The following ZFHX3 variants were observed in gnomAD, a reference collection of about 807,000 sequenced individuals.
ZFHX3 encodes zinc finger homeobox 3.
ZFHX3 carries 42 observed loss-of-function variants against 279.1 expected under a neutral mutation model. The observed-to-expected ratio is 0.15, with a 90% confidence interval of 0.12 to 0.19. The LOEUF (loss-of-function observed/expected upper bound fraction) is 0.19, where lower values mean the gene tolerates loss of function less well. ZFHX3 is among the 10% of genes least tolerant of loss of function. ZFHX3 has a pLI of 1.00. For missense variants in ZFHX3, 4,981 were observed against 4,754.0 expected (o/e 1.05, Z -1.40); for synonymous variants, 2,293 against 1,957.8 (o/e 1.17, Z -4.52).
In ZFHX3 at chr16:73,058,262, G is replaced by T. The variant is rs1456356697; in HGVS notation, c.-24+268C>A. 4.9e-5 allele frequency among the ~76,000 whole-genome samples: 7 copies of T among 142,532 alleles called. No homozygotes were observed. In the East Asian group the frequency reaches 1.5e-3, roughly 30 times the overall value. 93.5% of individuals were successfully genotyped at this position (142,532 alleles called of 152,430 possible). A position where few individuals can be genotyped will look rare whatever the true frequency, so the allele number is the denominator to read the frequency against. ...GCTCGGCGGCGGCGGCGGCGGCAGC[G>T]GCGGGAGGAGGAGGAAGAAGAAGAG... On this transcript the variant is annotated intron_variant, in intron 1 of 8. Coordinates refer to the ZFHX3 transcript ENST00000397992.
At chr16:73,682,690 G>A (rs527389852) in intron 1 of ZFHX3, among the ~76,000 whole-genome samples, 36 of 151,828 alleles carry the variant, frequency 2.4e-4, no homozygotes, top group African/African-American at 8.2e-4. Flanking sequence ...GGGAGGCTGA[G>A]GCAGGAGAAT....
intron 3 of ZFHX3, among the ~76,000 whole-genome samples, chr16:73,341,634 C>G (rs917548019): frequency 9.2e-5 from 14 of 152,070 alleles, no homozygotes; most frequent in Admixed American, 4.6e-4. Flanking sequence ...CTTGGAATTG[C>G]ATTATTCGTA....
intron 1 of ZFHX3, among the ~76,000 whole-genome samples, chr16:72,970,946 A>C (rs1962079230): frequency 6.6e-6 from 1 of 152,218 alleles, no homozygotes; most frequent in South Asian, 2.1e-4. Flanking sequence ...TATTTTAAAA[A>C]TTTGGATATG....
chr16:73,739,424 T>C (rs1427677900), intron 1 of ZFHX3, among the ~76,000 whole-genome samples: 1 of 152,144 alleles, frequency 6.6e-6, no homozygotes, highest in Non-Finnish European at 1.5e-5. Context: ...TCTCAGTAGA[T>C]GCCAACAGCA....
intron 1 of ZFHX3, among the ~76,000 whole-genome samples, chr16:73,799,706 G>T (rs1345161120): frequency 1.3e-5 from 2 of 152,138 alleles, no homozygotes; most frequent in African/African-American, 4.8e-5. Context: ...TGAGCAGAAG[G>T]GGAAATCAGA....
At chr16:72,809,232 A>C (rs926995311) in intron 7 of ZFHX3, 1 of 152,282 alleles carries the variant, frequency 6.6e-6, no homozygotes, top group Non-Finnish European at 1.5e-5. Flanking sequence ...CTATAGGCCC[A>C]CAGTCCCTAG....
At chr16:73,310,251 AGGT>A (rs1370563486) in intron 4 of ZFHX3, among the ~76,000 whole-genome samples, 3 of 151,838 alleles carry the variant, frequency 2.0e-5, no homozygotes, top group Non-Finnish European at 4.4e-5. Flanking sequence ...AAACCATCTG[AGGT>A]GGTGGTGGTG....
At chr16:73,835,972 C>G (rs1359069676) in intron 1 of ZFHX3, among the ~76,000 whole-genome samples, 1 of 151,970 alleles carries the variant, frequency 6.6e-6, no homozygotes, top group Non-Finnish European at 1.5e-5. Context: ...AGAAAATGGG[C>G]TCATGGAAAT....
chr16:73,493,663 A>C (rs1002961747), intron 2 of ZFHX3, among the ~76,000 whole-genome samples: 2 of 152,126 alleles, frequency 1.3e-5, no homozygotes, highest in African/African-American at 2.4e-5. Flanking sequence ...CCTAGGGTCA[A>C]CCTGTTCCTT....
In ZFHX3 at chr16:73,291,191, C is replaced by T. The variant is rs74030037; in HGVS notation, c.-1194+27049G>A. Among the ~76,000 whole-genome samples, 601 of 152,264 alleles carry T rather than the reference C, an allele frequency of 3.9e-3. 3 individuals are homozygous for T. Among genetic ancestry groups the T allele is most frequent in the Middle Eastern group, 0.024 (7 of 294 alleles). Reference sequence around the variant, plus strand: ...CTTCCAACGGTACCCATGGTTTAGGCTTCCTGACAATCAAACCCCACACCA... The same window carrying T: ...CTTCCAACGGTACCCATGGTTTAGGTTTCCTGACAATCAAACCCCACACCA... On this transcript the variant is annotated intron_variant, in intron 4 of 17. Transcript: ENST00000641206.
intron 1 of ZFHX3, among the ~76,000 whole-genome samples, chr16:73,020,233 T>C (rs1964253052): frequency 6.6e-6 from 1 of 152,210 alleles, no homozygotes; most frequent in African/African-American, 2.4e-5. Flanking sequence ...ATACATTTAA[T>C]GAATCACATA....
chr16:72,795,371 A>G lies in ZFHX3; in HGVS notation c.7311T>C (p.Ser2437=), dbSNP rs1344275507. The change falls in exon 9 of 10, where the codon AGT becomes AGC. Residue 2437 remains serine (S), a synonymous_variant. Transcript: ENST00000268489. ...DEKPKLAEAP[S]AQPNQTQEKQ... ...TTTCTTGGGTTTGGTTTGGCTGTGC[A>G]CTGGGAGCTTCCGCCAGCTTTGGTT... The G allele has an allele frequency of 1.2e-6, 2 of 1,614,068 alleles. No individual in the cohort carries two copies. Among genetic ancestry groups the G allele is most frequent in the Admixed American group, 1.7e-5 (1 of 60,016 alleles).
intron 1 of ZFHX3, among the ~76,000 whole-genome samples, chr16:73,800,427 G>C (rs1194237119): frequency 1.3e-5 from 2 of 152,012 alleles, no homozygotes; most frequent in Non-Finnish European, 2.9e-5. Flanking sequence ...ATATTGGTCA[G>C]GCTGGTCTCG....
rs191752147 is a variant in ZFHX3 at position 73,496,517 on chromosome 16, C to G, written c.-1546-40259G>C. On this transcript the variant is annotated intron_variant, in intron 2 of 17. Transcript: ENST00000641206. ...CTGCACTCCAGCCTGGGAGACACAGCGAGACTCCATCTTAAACAAACAAAC... is the reference window on the plus strand; with the variant it reads ...CTGCACTCCAGCCTGGGAGACACAGGGAGACTCCATCTTAAACAAACAAAC... Among the ~76,000 whole-genome samples the G allele has an allele frequency of 1.1e-4, 16 of 152,240 alleles. No homozygotes were observed. In the East Asian group the frequency reaches 1.2e-3, roughly 11 times the overall value.
At chr16:72,981,330 C>A (rs1206317721) in intron 1 of ZFHX3, among the ~76,000 whole-genome samples, 1 of 152,162 alleles carries the variant, frequency 6.6e-6, no homozygotes, top group African/African-American at 2.4e-5. Context: ...CAAAAATGCG[C>A]CTGTTTACAA....
At chr16:73,645,140 A>G (rs1375946708) in intron 2 of ZFHX3, among the ~76,000 whole-genome samples, 8 of 152,284 alleles carry the variant, frequency 5.3e-5, no homozygotes, top group Admixed American at 5.2e-4. Flanking sequence ...AAAGCTGGTG[A>G]ACAGAAAGGC....
chr16:73,793,219 A>G (rs1448736216), intron 1 of ZFHX3, among the ~76,000 whole-genome samples: 1 of 152,252 alleles, frequency 6.6e-6, no homozygotes, highest in Non-Finnish European at 1.5e-5. Context: ...AGGGGGAATA[A>G]GATGTGGCTT....
chr16:73,651,575 C>T (rs928459571), intron 2 of ZFHX3, among the ~76,000 whole-genome samples: 4 of 150,750 alleles, frequency 2.7e-5, no homozygotes, highest in African/African-American at 7.3e-5. Context: ...CGGTGGCTCA[C>T]GCCTGTAATC....
At chr16:72,922,472 G>A (rs1380503078) in intron 3 of ZFHX3, among the ~76,000 whole-genome samples, 1 of 152,162 alleles carries the variant, frequency 6.6e-6, no homozygotes, top group Admixed American at 6.5e-5. Context: ...TGGCAATGAA[G>A]AGGACAAATC....
Sources: allele counts gnomAD v4.1 joint callset (sites outside exome capture counted in the v4.1 genomes callset), GRCh38; gene constraint gnomAD v4.1.1; transcripts MANE v1.5; gene names NCBI Gene and HGNC (gene_info 2026-07-23, HGNC 2026-07-21).